BNC2: variants seen among roughly 807,000 people sequenced by gnomAD.
BNC2 encodes basonuclin zinc finger protein 2, also known as zinc finger protein basonuclin-2.
Under a neutral mutation model 76.3 loss-of-function variants are expected in BNC2, and 20 were observed. The ratio of observed to expected loss-of-function variants is 0.26; its 90% CI spans 0.18 to 0.38. The LOEUF (loss-of-function observed/expected upper bound fraction) is 0.38. Among genes scored for constraint, BNC2 ranks in the 10% least tolerant of loss-of-function variants. The pLI is 1.00. For missense variants in BNC2, 1,382 were observed against 1,399.8 expected (o/e 0.99, Z 0.20); for synonymous variants, 582 against 514.8 (o/e 1.13, Z -1.77).
At chr9:16,836,630 G>C (rs1043392158) in intron 1 of BNC2, among the ~76,000 whole-genome samples, 1 of 152,006 alleles carries the variant, frequency 6.6e-6, no homozygotes, top group African/African-American at 2.4e-5. Context: ...CAGGTTCTAA[G>C]TGAACCCTCC....
At chr9:16,759,723 CTAT>C (rs966702367) in intron 1 of BNC2, among the ~76,000 whole-genome samples, 13 of 102,576 alleles carry the variant, frequency 1.3e-4, no homozygotes, top group African/African-American at 3.9e-4. Flanking sequence ...GAGACATAAA[CTAT>C]TTTTTTTTTT....
intron 3 of BNC2, among the ~76,000 whole-genome samples, chr9:16,628,421 G>A (rs1478046792): frequency 6.6e-6 from 1 of 152,156 alleles, no homozygotes; most frequent in African/African-American, 2.4e-5. Flanking sequence ...ACTTTATCAA[G>A]TGGAACGCCG....
intron 3 of BNC2, among the ~76,000 whole-genome samples, chr9:16,651,347 C>A (rs1442917720): frequency 6.6e-6 from 1 of 152,166 alleles, no homozygotes; most frequent in Non-Finnish European, 1.5e-5. Context: ...TAGATTTCAG[C>A]TATAAGCAAA....
chr9:16,419,947 GT>G (rs1820677200), intron 6 of BNC2, among the ~76,000 whole-genome samples: 1 of 152,042 alleles, frequency 6.6e-6, no homozygotes, highest in Admixed American at 6.6e-5. Flanking sequence ...TGATTACTCT[GT>G]TAGTTTTACT....
chr9:16,742,022 A>G (rs555340852), intron 1 of BNC2, among the ~76,000 whole-genome samples: 1 of 152,186 alleles, frequency 6.6e-6, no homozygotes, highest in African/African-American at 2.4e-5. Context: ...TATGATATAA[A>G]TCATTGTCAT....
At chr9:16,845,904 C>A (rs541501774) in intron 1 of BNC2, among the ~76,000 whole-genome samples, 6 of 151,098 alleles carry the variant, frequency 4.0e-5, no homozygotes, top group Admixed American at 6.6e-5. Flanking sequence ...AATCCCAGCA[C>A]TTTGGGAGGC....
At chr9:16,470,750 G>A (rs771409712) in intron 5 of BNC2, among the ~76,000 whole-genome samples, 4 of 152,194 alleles carry the variant, frequency 2.6e-5, no homozygotes, top group Admixed American at 6.5e-5. Context: ...CGGAACCTCC[G>A]CCTAGATTTC....
At chr9:16,443,672 A>G (rs1481003943) in intron 5 of BNC2, among the ~76,000 whole-genome samples, 1 of 152,182 alleles carries the variant, frequency 6.6e-6, no homozygotes, top group Non-Finnish European at 1.5e-5. Context: ...CAATAAAAAG[A>G]ACTAAGCTAC....
chr9:16,755,381 A>C (rs1418695557), intron 1 of BNC2, among the ~76,000 whole-genome samples: 1 of 152,208 alleles, frequency 6.6e-6, no homozygotes, highest in Non-Finnish European at 1.5e-5. Context: ...AGAAAAGGGC[A>C]GGAGTCTAGA....
intron 1 of BNC2, among the ~76,000 whole-genome samples, chr9:16,844,732 C>A (rs1818925099): frequency 1.3e-5 from 2 of 152,148 alleles, no homozygotes; most frequent in South Asian, 4.1e-4. Flanking sequence ...CTCCTTACCT[C>A]AGGTGATCCA....
At chr9:16,632,321 C>T (rs1821185861) in intron 3 of BNC2, among the ~76,000 whole-genome samples, 1 of 152,002 alleles carries the variant, frequency 6.6e-6, no homozygotes, top group Non-Finnish European at 1.5e-5. Context: ...GTTCACTTTC[C>T]GTGGATCCCC....
intron 5 of BNC2, among the ~76,000 whole-genome samples, chr9:16,549,269 A>C (rs1818584819): frequency 6.6e-6 from 1 of 152,224 alleles, no homozygotes; most frequent in African/African-American, 2.4e-5. Flanking sequence ...TGACTAGTTC[A>C]ACTTACCGTA....
chr9:16,448,042 G>A (rs923621158), intron 5 of BNC2, among the ~76,000 whole-genome samples: 1 of 152,126 alleles, frequency 6.6e-6, no homozygotes, highest in East Asian at 1.9e-4. Context: ...GAAAGGGACA[G>A]TCCCTGCAGC....
At chr9:16,661,882 C>T (rs919964961) in intron 3 of BNC2, among the ~76,000 whole-genome samples, 3 of 152,130 alleles carry the variant, frequency 2.0e-5, no homozygotes, top group Non-Finnish European at 4.4e-5. Flanking sequence ...TAAAACTAAT[C>T]TGAAATTATT....
chr9:16,415,916 G>A lies in BNC2; in HGVS notation c.*3073C>T, dbSNP rs1271687778. 6.6e-6 allele frequency: 1 copy of A among 152,136 alleles called. No individual in the cohort carries two copies. The allele number at this position is 152,136 out of a possible 1,614,324, so 9.4% of individuals were successfully genotyped here. Reference sequence around the variant, plus strand: ...TACTTAAAAAGTGTCAGCTGTCCAGGACTTATTGCCACTTCTCTGACAAAA... The same window carrying A: ...TACTTAAAAAGTGTCAGCTGTCCAGAACTTATTGCCACTTCTCTGACAAAA... On this transcript the variant is annotated 3_prime_UTR_variant, in exon 7 of 7. Coordinates refer to ENST00000380672, the MANE Select transcript of BNC2 (RefSeq NM_017637.6).
chr9:16,531,293 T>C (rs780362706), intron 5 of BNC2, among the ~76,000 whole-genome samples: 1 of 151,932 alleles, frequency 6.6e-6, no homozygotes, highest in Non-Finnish European at 1.5e-5. Flanking sequence ...TTCCCTCCTC[T>C]GGGTGGCATT....
chr9:16,770,148 C>T (rs1825796319), intron 1 of BNC2, among the ~76,000 whole-genome samples: 1 of 152,136 alleles, frequency 6.6e-6, no homozygotes, highest in Admixed American at 6.5e-5. Context: ...TGGCTCAATG[C>T]TAACCTGGAA....
chr9:16,714,214 T>A (rs894581207), intron 3 of BNC2, among the ~76,000 whole-genome samples: 21 of 152,240 alleles, frequency 1.4e-4, no homozygotes, highest in African/African-American at 5.1e-4. Context: ...GAGAAATGAA[T>A]GCTTTGAAAT....
chr9:16,576,621 G>T (rs1213094351), intron 4 of BNC2, among the ~76,000 whole-genome samples: 1 of 152,192 alleles, frequency 6.6e-6, no homozygotes, highest in African/African-American at 2.4e-5. Context: ...TACTTGTTTT[G>T]ATCTGCCTTG....
Sources: allele counts gnomAD v4.1 joint callset (sites outside exome capture counted in the v4.1 genomes callset), GRCh38; gene constraint gnomAD v4.1.1; transcripts MANE v1.5; gene names NCBI Gene and HGNC (gene_info 2026-07-23, HGNC 2026-07-21).